The following ANO3 variants were observed in gnomAD, a reference collection of about 807,000 sequenced individuals.
ANO3 encodes the protein anoctamin 3.
In ANO3, 99 loss-of-function variants were observed where a neutral mutation model predicts 144.8. The ratio of observed to expected loss-of-function variants is 0.68; its 90% CI spans 0.58 to 0.81. The LOEUF is 0.81. ANO3 is among the 30% of genes least tolerant of loss of function. The probability of loss-of-function intolerance (pLI) is 0.00; values close to 1 mark genes in which losing one functional copy is unlikely to be tolerated. For missense variants in ANO3, 905 were observed against 1,202.2 expected (o/e 0.75, Z 3.66); for synonymous variants, 414 against 392.6 (o/e 1.05, Z -0.64).
intron 18 of ANO3, among the ~76,000 whole-genome samples, 158 bp from the exon 19 acceptor site, chr11:26,634,046 C>G (rs764240438): frequency 3.4e-5 from 5 of 148,516 alleles, no homozygotes; most frequent in African/African-American, 2.5e-5. Context: ...CCACTGTATT[C>G]CAGCCTGGGC....
At chr11:26,191,796 G>T (rs112561584) in intron 1 of ANO3, among the ~76,000 whole-genome samples, 2 of 152,080 alleles carry the variant, frequency 1.3e-5, no homozygotes, top group African/African-American at 4.8e-5. Context: ...AATGCATATG[G>T]CCATATCTCT....
chr11:26,305,334 A>C (rs1345379931), upstream of ANO3, among the ~76,000 whole-genome samples: 1 of 152,122 alleles, frequency 6.6e-6, no homozygotes, highest in Non-Finnish European at 1.5e-5. Flanking sequence ...TTTCATTCAA[A>C]CAACTTCTGA....
rs369810383 is a variant in ANO3 at position 26,354,684 on chromosome 11, A to G, written c.46+22363A>G. Among the ~76,000 whole-genome samples the G allele has an allele frequency of 3.9e-4, 59 of 152,210 alleles. 1 individual carries two copies. In the East Asian group the frequency reaches 0.01, roughly 26 times the overall value. ...TATTTGTTAAATTTAGTTATCATTAATTTCCTGTTGAATTATTTGAAATTT... is the reference window on the plus strand; with the variant it reads ...TATTTGTTAAATTTAGTTATCATTAGTTTCCTGTTGAATTATTTGAAATTT... On this transcript the variant is annotated intron_variant, in intron 1 of 26. Transcript: ENST00000256737.
At chr11:26,502,162 G>C (rs1289539663) in intron 4 of ANO3, among the ~76,000 whole-genome samples, 1 of 152,048 alleles carries the variant, frequency 6.6e-6, no homozygotes, top group East Asian at 1.9e-4. Flanking sequence ...AAAGTAAAAG[G>C]GTTAATTTGG....
intron 3 of ANO3, among the ~76,000 whole-genome samples, chr11:26,455,870 A>G (rs1404029958): frequency 6.6e-6 from 1 of 151,718 alleles, no homozygotes; most frequent in Non-Finnish European, 1.5e-5. Flanking sequence ...TGGCACCAAA[A>G]CAGAGATATA....
At chr11:26,589,222 A>C (rs1489289060) in intron 14 of ANO3, among the ~76,000 whole-genome samples, 4 of 152,202 alleles carry the variant, frequency 2.6e-5, no homozygotes, top group Admixed American at 2.0e-4. Flanking sequence ...TGATGATAAC[A>C]TTTGCCATAT....
At chr11:26,404,945 G>A (rs868614426) in intron 1 of ANO3, among the ~76,000 whole-genome samples, 2,057 of 136,290 alleles carry the variant, frequency 0.015, 75 homozygotes, top group East Asian at 0.15. Context: ...GTGTGTGTGT[G>A]TGTGTGTGTG....
chr11:26,641,686 T>C (rs1347780707), intron 21 of ANO3, among the ~76,000 whole-genome samples: 2 of 152,180 alleles, frequency 1.3e-5, no homozygotes, highest in Non-Finnish European at 2.9e-5. Flanking sequence ...TGCTAAAGTT[T>C]TTCAAAAGAT....
At chr11:26,417,931 CA>C (rs1857639009) in intron 1 of ANO3, among the ~76,000 whole-genome samples, 1 of 151,784 alleles carries the variant, frequency 6.6e-6, no homozygotes, top group African/African-American at 2.4e-5. Flanking sequence ...TTCAAAATAC[CA>C]AAGTAACAAC....
chr11:26,311,260 C>T (rs1298406346), intron 1 of ANO3, among the ~76,000 whole-genome samples: 3 of 152,176 alleles, frequency 2.0e-5, no homozygotes, highest in Non-Finnish European at 4.4e-5. Context: ...TTCCCAACAA[C>T]TCTATGAGGC....
intron 1 of ANO3, chr11:26,287,919 A>C (rs1163039538): frequency 6.6e-6 from 1 of 152,194 alleles, no homozygotes; most frequent in Non-Finnish European, 1.5e-5. Flanking sequence ...TTGGCTTTTG[A>C]AACCAATGGA....
intron 1 of ANO3, among the ~76,000 whole-genome samples, chr11:26,343,603 A>C (rs1855420740): frequency 6.6e-6 from 1 of 152,154 alleles, no homozygotes; most frequent in Non-Finnish European, 1.5e-5. Context: ...TACTTGCCTG[A>C]AGTTACTTTT....
intron 23 of ANO3, among the ~76,000 whole-genome samples, chr11:26,646,654 C>T (rs1475251875): frequency 6.6e-6 from 1 of 152,064 alleles, no homozygotes; most frequent in Non-Finnish European, 1.5e-5. Context: ...TTCTTTTTAT[C>T]AGTTACTTTA....
intron 1 of ANO3, 31 bp downstream of exon 1, chr11:26,332,352 C>A (rs749637992): frequency 1.9e-6 from 3 of 1,610,436 alleles, no homozygotes; most frequent in Non-Finnish European, 2.5e-6. Context: ...CCTCTCCCTG[C>A]GGGCGTCACT....
chr11:26,219,093 C>T (rs969055225), intron 1 of ANO3, among the ~76,000 whole-genome samples: 6 of 152,058 alleles, frequency 3.9e-5, no homozygotes, highest in Non-Finnish European at 7.4e-5. Flanking sequence ...TCCCTGGAAC[C>T]GATGCCCTAG....
intron 14 of ANO3, among the ~76,000 whole-genome samples, chr11:26,587,021 G>T (rs910361120): frequency 6.6e-6 from 1 of 152,070 alleles, no homozygotes; most frequent in Admixed American, 6.5e-5. Flanking sequence ...GATCAAGATG[G>T]CAGCTCAACC....
chr11:26,298,400 T>C (rs1275162073), intron 1 of ANO3, among the ~76,000 whole-genome samples: 1 of 146,828 alleles, frequency 6.8e-6, no homozygotes, highest in African/African-American at 2.7e-5. Context: ...ATAAACTAGA[T>C]TTTTTTCCAC....
chr11:26,198,027 A>G (rs1237069837), intron 1 of ANO3, among the ~76,000 whole-genome samples: 1 of 152,090 alleles, frequency 6.6e-6, no homozygotes, highest in Non-Finnish European at 1.5e-5. Context: ...GGAGCCATCA[A>G]AAATGGTGGT....
intron 4 of ANO3, among the ~76,000 whole-genome samples, chr11:26,496,494 C>A (rs1200369550): frequency 6.6e-6 from 1 of 152,160 alleles, no homozygotes; most frequent in African/African-American, 2.4e-5. Context: ...TTGTCTTGAA[C>A]TTTAGTGATT....
Sources: gnomAD v4.1 joint callset for allele counts (sites outside exome capture counted in the v4.1 genomes callset) on GRCh38, gnomAD v4.1.1 for gene constraint, MANE v1.5 for transcripts, NCBI Gene and HGNC (gene_info 2026-07-23, HGNC 2026-07-21) for gene names.